LRRTM4: variants seen among roughly 807,000 people sequenced by gnomAD.
LRRTM4 encodes leucine-rich repeat transmembrane neuronal protein 4.
LRRTM4 carries 25 observed loss-of-function variants against 47.6 expected under a neutral mutation model. The observed-to-expected ratio is 0.53, with a 90% CI of 0.38 to 0.73. The LOEUF (loss-of-function observed/expected upper bound fraction) is 0.73, where lower values mean the gene tolerates loss of function less well. LRRTM4 is among the 30% of genes least tolerant of loss of function. LRRTM4 has a pLI of 0.00. For missense variants in LRRTM4, 638 were observed against 713.4 expected, an observed-to-expected ratio of 0.89 and a Z score of 1.20; for synonymous variants, 311 against 269.5, an observed-to-expected ratio of 1.15 and a Z score of -1.51.
At chr2:77,191,225 T>TA (rs1229699228) in intron 3 of LRRTM4, among the ~76,000 whole-genome samples, 1 of 151,986 alleles carries the variant, frequency 6.6e-6, no homozygotes, top group Non-Finnish European at 1.5e-5. Flanking sequence ...AATTCATGAT[T>TA]AAAAAAACAC....
intron 3 of LRRTM4, among the ~76,000 whole-genome samples, chr2:76,776,254 A>T (rs375518307): frequency 6.6e-6 from 1 of 152,140 alleles, no homozygotes; most frequent in Non-Finnish European, 1.5e-5. Flanking sequence ...ATGATTTATA[A>T]TCCTTTGGGT....
At chr2:76,794,813 C>G (rs1675180503) in intron 3 of LRRTM4, among the ~76,000 whole-genome samples, 1 of 151,820 alleles carries the variant, frequency 6.6e-6, no homozygotes, top group Non-Finnish European at 1.5e-5. Flanking sequence ...ATCAATCCCC[C>G]AAGTCAGACA....
At chr2:77,385,916 T>TA (rs1673249915) in intron 3 of LRRTM4, among the ~76,000 whole-genome samples, 1 of 151,400 alleles carries the variant, frequency 6.6e-6, no homozygotes, top group African/African-American at 2.4e-5. Flanking sequence ...CCTGGCTATT[T>TA]TTTTTTTATT....
chr2:77,475,990 A>C (rs1677372835), intron 3 of LRRTM4, among the ~76,000 whole-genome samples: 1 of 151,970 alleles, frequency 6.6e-6, no homozygotes, highest in Non-Finnish European at 1.5e-5. Flanking sequence ...TCTATACCTT[A>C]TCTCTTTCCT....
At chr2:76,950,441 G>A (rs1675458495) in intron 3 of LRRTM4, among the ~76,000 whole-genome samples, 1 of 151,782 alleles carries the variant, frequency 6.6e-6, no homozygotes. Flanking sequence ...TCCAAACTTT[G>A]TCTAATGCAA....
chr2:76,931,478 A>G (rs1473574373), intron 3 of LRRTM4, among the ~76,000 whole-genome samples: 1 of 152,028 alleles, frequency 6.6e-6, no homozygotes, highest in East Asian at 1.9e-4. Context: ...TTTAATCCTG[A>G]GTGTGGGACA....
At chr2:77,281,740 G>T (rs141794445) in intron 3 of LRRTM4, among the ~76,000 whole-genome samples, 118 of 151,848 alleles carry the variant, frequency 7.8e-4, no homozygotes, top group African/African-American at 2.6e-3. Flanking sequence ...AAATGCATGA[G>T]ACAGAAGCCC....
In LRRTM4 at chr2:77,130,824, A is replaced by ATTTTTTTTTTT. The variant is rs768577274; in HGVS notation, c.1552-381919_1552-381909dup. Among the ~76,000 whole-genome samples, 9 of 35,622 alleles carry ATTTTTTTTTTT rather than the reference A, an allele frequency of 2.5e-4. 1 individual carries two copies. The highest frequency in any genetic ancestry group is 5.0e-4 in the African/African-American group (4 of 8,050). The allele number at this position is 35,622 out of a possible 152,430, so 23.4% of individuals were successfully genotyped here. ...CCGTGCCCGGCCAATTATTTGTTCT[A>ATTTTTTTTTTT]TTTTTTTTTTTTTTTTTTTTTTTTT... On this transcript the variant is annotated intron_variant, in intron 3 of 3. Transcript: ENST00000409884.
At chr2:76,894,640 G>A (rs1406012613) in intron 3 of LRRTM4, among the ~76,000 whole-genome samples, 2 of 151,858 alleles carry the variant, frequency 1.3e-5, no homozygotes, top group Non-Finnish European at 2.9e-5. Context: ...TCTGGTGATG[G>A]TATTACAAAT....
At chr2:76,840,901 T>G (rs184406867) in intron 3 of LRRTM4, among the ~76,000 whole-genome samples, 370 of 151,962 alleles carry the variant, frequency 2.4e-3, no homozygotes, top group African/African-American at 8.5e-3. Context: ...GAAATACCAT[T>G]TGACCCAGCC....
At chr2:77,012,856 A>G (rs1677924532) in intron 3 of LRRTM4, among the ~76,000 whole-genome samples, 1 of 152,214 alleles carries the variant, frequency 6.6e-6, no homozygotes, top group African/African-American at 2.4e-5. Context: ...CGGATATATA[A>G]TACCAATTTG....
intron 3 of LRRTM4, among the ~76,000 whole-genome samples, chr2:77,468,597 T>G (rs558648182): frequency 3.9e-5 from 6 of 152,200 alleles, no homozygotes; most frequent in East Asian, 1.9e-4. Context: ...GCAGTCCCCA[T>G]GCAGCACGGT....
chr2:77,154,703 A>G (rs1672513542), intron 3 of LRRTM4, among the ~76,000 whole-genome samples: 1 of 152,174 alleles, frequency 6.6e-6, no homozygotes, highest in African/African-American at 2.4e-5. Context: ...TCTTTATTAT[A>G]GCCAAAGGAA....
chr2:77,321,292 A>G (rs1167918519), intron 3 of LRRTM4, among the ~76,000 whole-genome samples: 3 of 152,120 alleles, frequency 2.0e-5, no homozygotes, highest in African/African-American at 7.2e-5. Context: ...TATTGGTAGA[A>G]TGCTTTAGTC....
At chr2:77,114,899 T>C (rs979483041) in intron 3 of LRRTM4, among the ~76,000 whole-genome samples, 2 of 152,100 alleles carry the variant, frequency 1.3e-5, no homozygotes, top group African/African-American at 4.8e-5. Flanking sequence ...AGGGTCTATG[T>C]CCCGCTGTGC....
chr2:77,499,288 C>T (rs1194606761), intron 3 of LRRTM4, among the ~76,000 whole-genome samples: 1 of 151,904 alleles, frequency 6.6e-6, no homozygotes, highest in African/African-American at 2.4e-5. Context: ...TTAATAGATG[C>T]TTTCCTAGTT....
chr2:77,361,480 A>G (rs56222707), intron 3 of LRRTM4, among the ~76,000 whole-genome samples: 1,596 of 152,190 alleles, frequency 0.01, 29 homozygotes, highest in African/African-American at 0.037. Context: ...AATCTCTTAG[A>G]CAAATTATAA....
intron 3 of LRRTM4, among the ~76,000 whole-genome samples, chr2:77,470,086 C>T (rs1677129316): frequency 6.6e-6 from 1 of 152,080 alleles, no homozygotes; most frequent in Non-Finnish European, 1.5e-5. Context: ...CTCTATAAGG[C>T]ATAGTTTCTT....
chr2:77,233,350 CTCTGTACTCCCAACTGGGTTATAA>C (rs1675017336), intron 3 of LRRTM4, among the ~76,000 whole-genome samples: 1 of 152,142 alleles, frequency 6.6e-6, no homozygotes, highest in Non-Finnish European at 1.5e-5. Flanking sequence ...CCTCAGGAGC[CTCTGTACTCCCAACTGGGTTATAA>C]CAGAAAAGTT....
Sources: gnomAD v4.1 joint callset for allele counts (sites outside exome capture counted in the v4.1 genomes callset) on GRCh38, gnomAD v4.1.1 for gene constraint, MANE v1.5 for transcripts, NCBI Gene and HGNC (gene_info 2026-07-23, HGNC 2026-07-21) for gene names.